The following TLK1 variants were observed in gnomAD, a reference collection of about 807,000 sequenced individuals.
TLK1 encodes the protein serine/threonine-protein kinase tousled-like 1.
Under a neutral mutation model 105.3 loss-of-function variants are expected in TLK1, and 24 were observed. The ratio of observed to expected loss-of-function variants is 0.23; its 90% confidence interval spans 0.17 to 0.32. The LOEUF is 0.32. Ranked by LOEUF, TLK1 falls within the 10% of genes least tolerant of loss-of-function variation. The pLI, the probability that TLK1 is intolerant of heterozygous loss-of-function variation, is 1.00. For missense variants in TLK1, 558 were observed against 910.5 expected, an observed-to-expected ratio of 0.61 and a Z score of 4.98; for synonymous variants, 321 against 310.4, an observed-to-expected ratio of 1.03 and a Z score of -0.36.
rs1468549040 is a variant in TLK1, at chr2:171,142,205, A to AAAT, written c.139+18082_139+18084dup. Among the ~76,000 whole-genome samples, 6 of 152,258 alleles carry AAAT rather than the reference A, an allele frequency of 3.9e-5. No homozygotes were observed. In the East Asian group the frequency reaches 7.7e-4, roughly 20 times the overall value. ...GGGGGTGGGGGGTATTTGGAACAAAAAATAATAATAATCCCAAAAGCAGCA... is the reference window on the plus strand; with the variant it reads ...GGGGGTGGGGGGTATTTGGAACAAAAAATAATAATAATAATCCCAAAAGCAGCA... On this transcript the variant is annotated intron_variant, in intron 1 of 20. Coordinates refer to ENST00000431350, the MANE Select transcript of TLK1 (RefSeq NM_012290.5).
intron 1 of TLK1, among the ~76,000 whole-genome samples, chr2:171,167,825 C>G (rs1692637080): frequency 6.6e-6 from 1 of 152,102 alleles, no homozygotes; most frequent in Non-Finnish European, 1.5e-5. Context: ...TAGAAGCTAT[C>G]CTCCAAGGAC....
chr2:171,044,889 G>A (rs891700344), intron 11 of TLK1, among the ~76,000 whole-genome samples: 2 of 152,148 alleles, frequency 1.3e-5, no homozygotes, highest in African/African-American at 4.8e-5. Context: ...TTAGCATCAG[G>A]AAGATAATCT....
At chr2:171,072,785 TG>T (rs1688321433) in intron 3 of TLK1, among the ~76,000 whole-genome samples, 1 of 150,148 alleles carries the variant, frequency 6.7e-6, no homozygotes, top group Non-Finnish European at 1.5e-5. Flanking sequence ...AAAAAAATGT[TG>T]GGTGCAGTGG....
chr2:171,102,333 C>G (rs1481175611), intron 2 of TLK1, among the ~76,000 whole-genome samples: 2 of 152,048 alleles, frequency 1.3e-5, no homozygotes, highest in African/African-American at 4.8e-5. Flanking sequence ...CAAATGGTTG[C>G]CTTACCTTAA....
chr2:170,993,453 T>C lies in TLK1; in HGVS notation c.*327A>G, dbSNP rs1683879717. 1 of 197,868 alleles carries C rather than the reference T, an allele frequency of 5.1e-6. No homozygotes were observed. Among genetic ancestry groups the C allele is most frequent in the African/African-American group, 2.3e-5 (1 of 43,368 alleles). 12.3% of individuals were successfully genotyped at this position (197,868 alleles called of 1,614,324 possible). On this transcript the variant is annotated 3_prime_UTR_variant, in exon 21 of 21. Coordinates refer to ENST00000431350, the MANE Select transcript of TLK1 (RefSeq NM_012290.5). ...AACAACCAAATGTATTTAAGTATTA[T>C]AAACGTTATTTACAGTGTTCCCCCA...
chr2:171,185,098 C>T (rs1439790746), intron 1 of TLK1, among the ~76,000 whole-genome samples: 1 of 152,142 alleles, frequency 6.6e-6, no homozygotes, highest in Non-Finnish European at 1.5e-5. Flanking sequence ...CTTGGCCTCC[C>T]AAAGTGCTGG....
chr2:171,203,501 A>T (rs1301066506), intron 1 of TLK1, among the ~76,000 whole-genome samples: 1 of 152,196 alleles, frequency 6.6e-6, no homozygotes, highest in Non-Finnish European at 1.5e-5. Flanking sequence ...ATTCATCCGC[A>T]TTGTAGAATA....
rs1048993599 is a variant in TLK1 at position 171,160,732 on chromosome 2, G to C, written c.-304C>G. ...GGAGGCGTCGAGGGGGTGCCAGCCG[G>C]GCCGGGGTCGGAGCGCGGGCGGAGC... On this transcript the variant is annotated 5_prime_UTR_variant, in exon 1 of 21. Coordinates refer to ENST00000431350, the MANE Select transcript of TLK1 (RefSeq NM_012290.5). The surrounding 1 kb of genome is among the most constrained non-coding windows in gnomAD (Gnocchi z 4.4). 6.6e-6 allele frequency: 3 copies of C among 452,174 alleles called. No homozygotes were observed. Among genetic ancestry groups the C allele is most frequent in the African/African-American group, 2.1e-5 (1 of 48,606 alleles). The allele number at this position is 452,174 out of a possible 1,614,324, so 28.0% of individuals were successfully genotyped here.
intron 1 of TLK1, among the ~76,000 whole-genome samples, chr2:171,172,463 T>C (rs560726223): frequency 1.3e-5 from 2 of 152,280 alleles, no homozygotes; most frequent in East Asian, 3.9e-4. Flanking sequence ...TACAAAATTA[T>C]GGGAAGTATC....
intron 12 of TLK1, among the ~76,000 whole-genome samples, chr2:171,015,638 C>A (rs1009393122): frequency 7.0e-6 from 1 of 143,122 alleles, no homozygotes; most frequent in South Asian, 2.2e-4. Flanking sequence ...TTTAGACTAG[C>A]CACCAAAACA....
intron 1 of TLK1, among the ~76,000 whole-genome samples, chr2:171,159,264 C>T (rs1692355761): frequency 1.3e-5 from 2 of 152,336 alleles, no homozygotes; most frequent in East Asian, 1.9e-4. Context: ...CTACCAATTG[C>T]GGATGAATAC....
chr2:171,114,924 A>G (rs987175426), intron 2 of TLK1, among the ~76,000 whole-genome samples: 2 of 152,192 alleles, frequency 1.3e-5, no homozygotes, highest in Non-Finnish European at 2.9e-5. Flanking sequence ...ACAGTCCTAT[A>G]AACACCATGG....
rs1689079408 is a variant in TLK1, at chr2:171,088,473, T to G, written c.259-5621A>C. Reference sequence around the variant, plus strand: ...AAAATTCTTCCAGAACTGGAAAGCATGTTTCTGGATTGGAAAGACACATTT... The same window carrying G: ...AAAATTCTTCCAGAACTGGAAAGCAGGTTTCTGGATTGGAAAGACACATTT... On this transcript the variant is annotated intron_variant, in intron 2 of 20. Transcript: ENST00000431350. 2.6e-5 allele frequency among the ~76,000 whole-genome samples: 4 copies of G among 152,372 alleles called. No individual in the cohort carries two copies. The South Asian group carries it at 8.3e-4, about 32-fold the overall frequency.
In TLK1 at chr2:171,195,518, A is replaced by T. The variant is rs1016460866; in HGVS notation, c.-6+35627T>A. ...CTCTGTCTCAAAAAAAAAAAAAAAA[A>T]AAAACATAATCCACCATGGATAAGC... On this transcript the variant is annotated intron_variant, in intron 1 of 20. Transcript: ENST00000521943. 3.3e-5 allele frequency among the ~76,000 whole-genome samples: 5 copies of T among 151,844 alleles called. No individual in the cohort carries two copies. In the East Asian group the frequency reaches 5.8e-4, roughly 18 times the overall value.
At chr2:171,005,598 T>C (rs1216233470) in intron 18 of TLK1, among the ~76,000 whole-genome samples, 2 of 152,158 alleles carry the variant, frequency 1.3e-5, no homozygotes, top group African/African-American at 2.4e-5. Flanking sequence ...TAGCTGGGCA[T>C]AGTGGTGCGT....
intron 1 of TLK1, among the ~76,000 whole-genome samples, chr2:171,173,077 C>T (rs1692759187): frequency 6.6e-6 from 1 of 152,132 alleles, no homozygotes; most frequent in East Asian, 1.9e-4. Context: ...GAGTCAAAGT[C>T]AATTATAACT....
Position 171,010,053 on chromosome 2 carries a change from T to C in TLK1, c.1416+1320A>G, listed in dbSNP as rs553913116. On this transcript the variant is annotated intron_variant, in intron 14 of 20. Transcript: ENST00000431350. ...GCTGCCTTTTATAAAAAGTTCACTC[T>C]AGTTGCAGTGTACAAAATGACTTGA... 1.4e-4 allele frequency among the ~76,000 whole-genome samples: 22 copies of C among 152,314 alleles called. 2 individuals are homozygous for C. The highest frequency in any genetic ancestry group is 4.8e-4 in the African/African-American group (20 of 41,576).
At chr2:171,200,293 C>G (rs1021452676) in intron 1 of TLK1, among the ~76,000 whole-genome samples, 3 of 152,106 alleles carry the variant, frequency 2.0e-5, no homozygotes, top group African/African-American at 7.2e-5. Flanking sequence ...TTTCTACCCC[C>G]CCATCCTGTG....
intron 2 of TLK1, among the ~76,000 whole-genome samples, chr2:171,115,806 G>C (rs74790505): frequency 0.016 from 2,439 of 152,152 alleles, 65 homozygotes; most frequent in African/African-American, 0.053. Flanking sequence ...ACACAGTAAG[G>C]ACTGCATCAT....
Sources: allele counts gnomAD v4.1 joint callset (sites outside exome capture counted in the v4.1 genomes callset), GRCh38; gene constraint gnomAD v4.1.1; non-coding constraint Gnocchi (gnomAD v3.1); transcripts MANE v1.5; gene names NCBI Gene and HGNC (gene_info 2026-07-23, HGNC 2026-07-21).